The following ZFHX3 variants were observed in gnomAD, a reference collection of about 807,000 sequenced individuals.
ZFHX3 encodes zinc finger homeobox 3, also known as zinc finger homeobox protein 3.
Under a neutral mutation model 279.1 loss-of-function variants are expected in ZFHX3, and 42 were observed. The ratio of observed to expected loss-of-function variants is 0.15; its 90% CI spans 0.12 to 0.19. The LOEUF (loss-of-function observed/expected upper bound fraction) is 0.19, where lower values mean the gene tolerates loss of function less well. Ranked by LOEUF, ZFHX3 falls within the 10% of genes least tolerant of loss-of-function variation. ZFHX3 has a pLI of 1.00. For synonymous variants in ZFHX3, 2,293 were observed against 1,957.8 expected, an observed-to-expected ratio of 1.17 and a Z score of -4.52; for missense variants, 4,981 against 4,754.0, an observed-to-expected ratio of 1.05 and a Z score of -1.40.
At chr16:73,380,788 T>TGA in intron 3 of ZFHX3, among the ~76,000 whole-genome samples, 1 of 152,172 alleles carries the variant, frequency 6.6e-6, no homozygotes, top group East Asian at 1.9e-4. Context: ...GAGGCTGATT[T>TGA]GAGCCCAGGA....
intron 2 of ZFHX3, among the ~76,000 whole-genome samples, chr16:73,588,445 G>A (rs1597014008): frequency 6.6e-6 from 1 of 151,852 alleles, no homozygotes; most frequent in Admixed American, 6.6e-5. Context: ...CCAGCACTTT[G>A]GGAGGCCGAG....
chr16:73,308,721 G>C (rs888996100), intron 4 of ZFHX3, among the ~76,000 whole-genome samples: 2 of 151,918 alleles, frequency 1.3e-5, no homozygotes, highest in African/African-American at 4.8e-5. Context: ...TTTATTGAGT[G>C]TTTTCAGAAC....
intron 3 of ZFHX3, among the ~76,000 whole-genome samples, chr16:73,340,938 TG>T (rs1320749063): frequency 2.0e-5 from 3 of 152,112 alleles, no homozygotes; most frequent in African/African-American, 7.2e-5. Context: ...AAAAATTGCA[TG>T]AAAAAAACAT....
At chr16:73,225,281 A>G (rs1195545376) in intron 5 of ZFHX3, among the ~76,000 whole-genome samples, 1 of 152,168 alleles carries the variant, frequency 6.6e-6, no homozygotes, top group African/African-American at 2.4e-5. Flanking sequence ...GAGGCTTATT[A>G]TTCTGAACAG....
chr16:73,228,922 G>A (rs767765163), intron 5 of ZFHX3, among the ~76,000 whole-genome samples: 75 of 152,250 alleles, frequency 4.9e-4, no homozygotes, highest in South Asian at 2.3e-3. Flanking sequence ...AAGACGTCGT[G>A]GCTTGGGTCC....
At chr16:73,491,650 G>T (rs2019058336) in intron 2 of ZFHX3, among the ~76,000 whole-genome samples, 1 of 152,174 alleles carries the variant, frequency 6.6e-6, no homozygotes, top group African/African-American at 2.4e-5. Context: ...TAATATGTGT[G>T]CTTATAGATA....
chr16:72,952,116 C>T (rs1251648157), intron 2 of ZFHX3, among the ~76,000 whole-genome samples: 3 of 152,092 alleles, frequency 2.0e-5, no homozygotes, highest in Non-Finnish European at 4.4e-5. Flanking sequence ...GTGGCGTGTG[C>T]CTGTAGTTCC....
intron 6 of ZFHX3, among the ~76,000 whole-genome samples, chr16:73,132,826 G>A (rs1966715005): frequency 1.3e-5 from 2 of 152,216 alleles, no homozygotes; most frequent in African/African-American, 2.4e-5. Flanking sequence ...TGTATAAAGT[G>A]ATCAATCAGG....
chr16:73,093,608 G>A (rs761080967), intron 7 of ZFHX3: 6 of 508,580 alleles, frequency 1.2e-5, no homozygotes, highest in Non-Finnish European at 2.0e-5. Context: ...CCTGCAAACA[G>A]ACAGCACGGA....
intron 3 of ZFHX3, among the ~76,000 whole-genome samples, chr16:72,940,824 TTTCTAACC>T (rs2062218589): frequency 1.3e-5 from 2 of 152,216 alleles, no homozygotes; most frequent in Admixed American, 1.3e-4. Flanking sequence ...TAGATAAACA[TTTCTAACC>T]TTCTAACTAG....
intron 3 of ZFHX3, among the ~76,000 whole-genome samples, chr16:73,350,594 C>T (rs2143285474): frequency 6.6e-6 from 1 of 152,336 alleles, no homozygotes; most frequent in South Asian, 2.1e-4. Context: ...GTAGCGAAGA[C>T]TCAACTGAGA....
chr16:73,220,638 T>C (rs2012383513), intron 5 of ZFHX3, among the ~76,000 whole-genome samples: 1 of 152,170 alleles, frequency 6.6e-6, no homozygotes, highest in Admixed American at 6.5e-5. Flanking sequence ...GCACAGTTTT[T>C]GTGCTATACA....
chr16:73,210,706 G>A (rs2011980866), intron 5 of ZFHX3, among the ~76,000 whole-genome samples: 2 of 152,156 alleles, frequency 1.3e-5, no homozygotes, highest in African/African-American at 2.4e-5. Context: ...CTGCAGAGGT[G>A]AGCTTATAGT....
intron 1 of ZFHX3, among the ~76,000 whole-genome samples, chr16:73,732,890 G>A (rs945024587): frequency 3.9e-5 from 6 of 152,136 alleles, no homozygotes; most frequent in Non-Finnish European, 1.5e-5. Flanking sequence ...GCATTAAGGC[G>A]GTGGGTTCAG....
chr16:73,788,761 T>A (rs1319026010), intron 1 of ZFHX3, among the ~76,000 whole-genome samples: 1 of 150,990 alleles, frequency 6.6e-6, no homozygotes, highest in Non-Finnish European at 1.5e-5. Context: ...GATCATGAGG[T>A]CAGGAAATAG....
At chr16:73,723,651 T>G (rs571052322) in intron 1 of ZFHX3, among the ~76,000 whole-genome samples, 1 of 152,250 alleles carries the variant, frequency 6.6e-6, no homozygotes, top group African/African-American at 2.4e-5. Flanking sequence ...GTTTTTCTTG[T>G]ATTATTTTTG....
intron 2 of ZFHX3, among the ~76,000 whole-genome samples, chr16:73,560,770 T>C (rs1462889401): frequency 6.6e-6 from 1 of 152,228 alleles, no homozygotes; most frequent in Admixed American, 6.5e-5. Flanking sequence ...AGCTGTGTTC[T>C]GGTTCAGAGC....
chr16:73,108,391 G>C (rs1966330923), intron 7 of ZFHX3, among the ~76,000 whole-genome samples: 1 of 151,904 alleles, frequency 6.6e-6, no homozygotes, highest in African/African-American at 2.4e-5. Flanking sequence ...AGACGATGAA[G>C]AGGAGAAGGA....
At chr16:72,996,937 C>T (rs1963318022) in intron 1 of ZFHX3, among the ~76,000 whole-genome samples, 1 of 152,126 alleles carries the variant, frequency 6.6e-6, no homozygotes, top group African/African-American at 2.4e-5. Context: ...ACCCTTGACC[C>T]CTAAACTGGT....
Sources: gnomAD v4.1 joint callset for allele counts (sites outside exome capture counted in the v4.1 genomes callset) on GRCh38, gnomAD v4.1.1 for gene constraint, MANE v1.5 for transcripts, NCBI Gene and HGNC (gene_info 2026-07-23, HGNC 2026-07-21) for gene names.